KCNK13: variants seen among roughly 807,000 people sequenced by gnomAD.
KCNK13 encodes the protein potassium two pore domain channel subfamily K member 13, also known as potassium channel subfamily K member 13.
A neutral mutation model predicts 23.4 loss-of-function variants in KCNK13; 12 were observed. The observed-to-expected ratio is 0.51, with a 90% CI of 0.33 to 0.83. The LOEUF is 0.83. KCNK13 is among the 40% of genes least tolerant of loss of function. The pLI is 0.02. For missense variants in KCNK13, 463 were observed against 556.3 expected, an observed-to-expected ratio of 0.83 and a Z score of 1.69; for synonymous variants, 231 against 229.5, an observed-to-expected ratio of 1.01 and a Z score of -0.06.
intron 1 of KCNK13, among the ~76,000 whole-genome samples, chr14:90,128,669 C>T (rs1226017710): frequency 2.0e-5 from 3 of 152,168 alleles, no homozygotes; most frequent in East Asian, 1.9e-4. Flanking sequence ...GGCCACAAAC[C>T]CTTCCAAGCT....
intron 1 of KCNK13, among the ~76,000 whole-genome samples, chr14:90,151,252 A>T (rs1890131324): frequency 6.6e-6 from 1 of 152,222 alleles, no homozygotes; most frequent in Non-Finnish European, 1.5e-5. Context: ...TTATTTTTTC[A>T]CATTCCCACC....
intron 1 of KCNK13, among the ~76,000 whole-genome samples, chr14:90,155,364 G>C (rs1275592552): frequency 6.6e-6 from 1 of 152,096 alleles, no homozygotes; most frequent in Non-Finnish European, 1.5e-5. Flanking sequence ...GATTGGGGAG[G>C]GGAAGATTGG....
chr14:90,148,643 C>T (rs956245918), intron 1 of KCNK13, among the ~76,000 whole-genome samples: 15 of 152,156 alleles, frequency 9.9e-5, no homozygotes, highest in South Asian at 4.1e-4. Context: ...AGCTCTGCTG[C>T]GCAGTGGGAG....
chr14:90,152,900 G>A (rs1890153010), intron 1 of KCNK13, among the ~76,000 whole-genome samples: 2 of 152,226 alleles, frequency 1.3e-5, no homozygotes, highest in South Asian at 2.1e-4. Flanking sequence ...TAGGAGATCT[G>A]TAGCACAGGA....
intron 1 of KCNK13, among the ~76,000 whole-genome samples, chr14:90,157,711 T>A (rs1174434672): frequency 8.8e-6 from 1 of 114,066 alleles, no homozygotes; most frequent in Non-Finnish European, 2.1e-5. Context: ...CCTTTTTTTT[T>A]TTTTTTTTCA....
intron 1 of KCNK13, among the ~76,000 whole-genome samples, chr14:90,151,219 C>G (rs1374212946): frequency 6.6e-6 from 1 of 152,198 alleles, no homozygotes; most frequent in South Asian, 2.1e-4. Context: ...GCCTAATACA[C>G]AGAGCCTCAA....
At chr14:90,105,640 A>G (rs1889535063) in intron 1 of KCNK13, among the ~76,000 whole-genome samples, 1 of 151,856 alleles carries the variant, frequency 6.6e-6, no homozygotes, top group Admixed American at 6.6e-5. Flanking sequence ...GTCTCCCCAA[A>G]TCAAGGAAGT....
At chr14:90,109,716 T>G (rs1889591839) in intron 1 of KCNK13, among the ~76,000 whole-genome samples, 1 of 142,098 alleles carries the variant, frequency 7.0e-6, no homozygotes, top group Non-Finnish European at 1.5e-5. Flanking sequence ...GGCCCTTTAT[T>G]TTTTTTTTTT....
At chr14:90,133,189 C>T (rs1457486531) in intron 1 of KCNK13, among the ~76,000 whole-genome samples, 1 of 152,196 alleles carries the variant, frequency 6.6e-6, no homozygotes, top group Non-Finnish European at 1.5e-5. Context: ...AAATCTACCT[C>T]TGAGGTAGAT....
At chr14:90,182,411 G>A (rs1244515241) in intron 1 of KCNK13, among the ~76,000 whole-genome samples, 1 of 152,170 alleles carries the variant, frequency 6.6e-6, no homozygotes, top group East Asian at 1.9e-4. Flanking sequence ...CCGAGCTGTA[G>A]CAACAAGGAA....
At chr14:90,146,042 T>G (rs1566645537) in intron 1 of KCNK13, among the ~76,000 whole-genome samples, 1 of 152,030 alleles carries the variant, frequency 6.6e-6, no homozygotes, top group Non-Finnish European at 1.5e-5. Context: ...GAGAGAGAGA[T>G]AGTTGTTGAA....
In KCNK13 at chr14:90,169,032, A is replaced by C. The variant is rs373768007; in HGVS notation, c.335-15079A>C. 2.0e-5 allele frequency among the ~76,000 whole-genome samples: 3 copies of C among 152,234 alleles called. No individual in the cohort carries two copies. The East Asian group carries it at 5.8e-4, about 29-fold the overall frequency. Reference sequence around the variant, plus strand: ...CCCAACCGTGTGGAGCTGTGAGTCAATTAAATTTCTTTCCTTTATAAATTA... The same window carrying C: ...CCCAACCGTGTGGAGCTGTGAGTCACTTAAATTTCTTTCCTTTATAAATTA... On this transcript the variant is annotated intron_variant, in intron 1 of 1. Coordinates refer to ENST00000282146, the MANE Select transcript of KCNK13 (RefSeq NM_022054.4).
chr14:90,147,480 G>A (rs1040473525), intron 1 of KCNK13, among the ~76,000 whole-genome samples: 1 of 151,846 alleles, frequency 6.6e-6, no homozygotes, highest in Admixed American at 6.6e-5. Flanking sequence ...ATCAGTTTGT[G>A]TACACTTAAT....
chr14:90,062,626 T>A lies in KCNK13; in HGVS notation c.334+87T>A. 1 of 1,037,028 alleles carries A rather than the reference T, an allele frequency of 9.6e-7. No individual in the cohort carries two copies. Among genetic ancestry groups the A allele is most frequent in the Non-Finnish European group, 1.3e-6 (1 of 744,010 alleles). 64.2% of individuals were successfully genotyped at this position (1,037,028 alleles called of 1,614,324 possible). Reference sequence around the variant, plus strand: ...AGGACCGACCCTCTCATCCTTTCATTCATCCATCTGGGCGCCCAGCCAGAC... The same window carrying A: ...AGGACCGACCCTCTCATCCTTTCATACATCCATCTGGGCGCCCAGCCAGAC... On this transcript the variant is annotated intron_variant, in intron 1 of 1. Coordinates refer to ENST00000282146, the MANE Select transcript of KCNK13 (RefSeq NM_022054.4). The surrounding 1 kb of genome is among the most constrained non-coding windows in gnomAD (Gnocchi z 4.5).
At chr14:90,081,012 C>A (rs1357880893) in intron 1 of KCNK13, among the ~76,000 whole-genome samples, 2 of 152,222 alleles carry the variant, frequency 1.3e-5, no homozygotes, top group Non-Finnish European at 2.9e-5. Flanking sequence ...TAAAGGGAAC[C>A]AAAGGATGAG....
intron 1 of KCNK13, among the ~76,000 whole-genome samples, chr14:90,106,138 C>T (rs1889540843): frequency 1.3e-5 from 2 of 152,204 alleles, no homozygotes. Flanking sequence ...TCCTATAATA[C>T]CTGCTAACTC....
intron 1 of KCNK13, among the ~76,000 whole-genome samples, chr14:90,095,381 C>A (rs975603752): frequency 1.3e-5 from 2 of 152,184 alleles, no homozygotes; most frequent in African/African-American, 4.8e-5. Context: ...TGAGACAGAG[C>A]CTTGGTAGCA....
At chr14:90,064,968 T>C (rs749811839) in intron 1 of KCNK13, among the ~76,000 whole-genome samples, 6 of 151,900 alleles carry the variant, frequency 3.9e-5, no homozygotes, top group Non-Finnish European at 8.8e-5. Context: ...GGCATAACAC[T>C]CCCCCGTTAT....
At chr14:90,113,018 A>G (rs973972357) in intron 1 of KCNK13, among the ~76,000 whole-genome samples, 1 of 151,862 alleles carries the variant, frequency 6.6e-6, no homozygotes, top group African/African-American at 2.4e-5. Context: ...GGCTCAAGCA[A>G]TCCTTTCACC....
Sources: allele counts gnomAD v4.1 joint callset (sites outside exome capture counted in the v4.1 genomes callset), GRCh38; gene constraint gnomAD v4.1.1; non-coding constraint Gnocchi (gnomAD v3.1); transcripts MANE v1.5; gene names NCBI Gene and HGNC (gene_info 2026-07-23, HGNC 2026-07-21).